ROBO2: variants seen among roughly 807,000 people sequenced by gnomAD.
ROBO2 encodes the protein roundabout homolog 2.
A neutral mutation model predicts 160.8 loss-of-function variants in ROBO2; 53 were observed. The ratio of observed to expected loss-of-function variants is 0.33; its 90% CI spans 0.26 to 0.41. The LOEUF is 0.41. Ranked by LOEUF, ROBO2 falls within the 10% of genes least tolerant of loss-of-function variation. The pLI is 1.00. For missense variants in ROBO2, 1,577 were observed against 1,722.4 expected, an observed-to-expected ratio of 0.92 and a Z score of 1.49; for synonymous variants, 664 against 611.7, an observed-to-expected ratio of 1.09 and a Z score of -1.26.
intron 2 of ROBO2, among the ~76,000 whole-genome samples, chr3:76,472,112 T>TGC (rs59897322): frequency 0.014 from 1,168 of 84,466 alleles, 33 homozygotes; most frequent in African/African-American, 0.035. Context: ...CGCGTGTGCG[T>TGC]GCGCATGTGT....
intron 2 of ROBO2, among the ~76,000 whole-genome samples, chr3:76,397,475 G>T (rs1023046129): frequency 7.2e-5 from 11 of 151,732 alleles, no homozygotes; most frequent in Admixed American, 1.3e-4. Context: ...TTGACAAATG[G>T]GATCTAATTA....
At chr3:77,559,051 C>T (rs910527906) in intron 9 of ROBO2, among the ~76,000 whole-genome samples, 8 of 152,050 alleles carry the variant, frequency 5.3e-5, no homozygotes, top group Non-Finnish European at 8.8e-5. Flanking sequence ...GACTAACAAC[C>T]TCACCTTATC....
At chr3:76,499,945 C>CT (rs1352800961) in intron 2 of ROBO2, among the ~76,000 whole-genome samples, 1 of 151,878 alleles carries the variant, frequency 6.6e-6, no homozygotes, top group Non-Finnish European at 1.5e-5. Flanking sequence ...TATCAAAGAA[C>CT]AGAGACACAA....
Position 77,214,102 on chromosome 3 carries a change from GTGCAGA to G in ROBO2, c.388+115763_388+115768del, listed in dbSNP as rs2084579188. Among the ~76,000 whole-genome samples the G allele has an allele frequency of 2.0e-5, 3 of 152,236 alleles. No homozygotes were observed. In the South Asian group the frequency reaches 6.2e-4, roughly 32 times the overall value. On this transcript the variant is annotated intron_variant, in intron 2 of 25. Transcript: ENST00000461745. ...TGTAGATGTCTATTAAGTCTGCTTG[GTGCAGA>G]GCTGAGTTCAGTTTCTGGATATCCT...
chr3:76,134,581 C>G (rs994239820), intron 2 of ROBO2, among the ~76,000 whole-genome samples: 3 of 151,954 alleles, frequency 2.0e-5, no homozygotes, highest in Admixed American at 6.6e-5. Context: ...AAAAAGCAGC[C>G]TTGAGGTTTT....
chr3:77,127,071 G>C (rs2075404951), intron 2 of ROBO2, among the ~76,000 whole-genome samples: 1 of 151,766 alleles, frequency 6.6e-6, no homozygotes, highest in Admixed American at 6.6e-5. Flanking sequence ...TTACAGGTGT[G>C]AGCCACCACG....
At chr3:77,063,217 C>T (rs1407177638) in intron 1 of ROBO2, among the ~76,000 whole-genome samples, 1 of 152,168 alleles carries the variant, frequency 6.6e-6, no homozygotes, top group Non-Finnish European at 1.5e-5. Context: ...TCGCCAAGGG[C>T]TATGCCCATC....
At chr3:77,133,221 T>C (rs2076002970) in intron 2 of ROBO2, among the ~76,000 whole-genome samples, 1 of 152,178 alleles carries the variant, frequency 6.6e-6, no homozygotes, top group Non-Finnish European at 1.5e-5. Flanking sequence ...CAAACACATA[T>C]TATGGAATAA....
At chr3:76,676,153 C>T (rs766636671) in intron 2 of ROBO2, among the ~76,000 whole-genome samples, 3 of 152,050 alleles carry the variant, frequency 2.0e-5, no homozygotes, top group Non-Finnish European at 2.9e-5. Context: ...AAAATCTCAT[C>T]TTGAATTGTA....
chr3:76,580,240 A>C (rs1357552325), intron 2 of ROBO2, among the ~76,000 whole-genome samples: 1 of 132,518 alleles, frequency 7.5e-6, no homozygotes, highest in Non-Finnish European at 1.6e-5. Flanking sequence ...TATATTGTTA[A>C]TTTGATTAAT....
At chr3:76,861,067 C>T (rs2070727896) in intron 2 of ROBO2, among the ~76,000 whole-genome samples, 1 of 152,166 alleles carries the variant, frequency 6.6e-6, no homozygotes, top group Non-Finnish European at 1.5e-5. Context: ...AAGCCCTCTT[C>T]CCTCTGCAAC....
chr3:76,981,556 G>T (rs1352352914), intron 2 of ROBO2, among the ~76,000 whole-genome samples: 1 of 151,926 alleles, frequency 6.6e-6, no homozygotes, highest in Non-Finnish European at 1.5e-5. Context: ...GTATATTTTA[G>T]GTATAAGTTA....
chr3:76,502,146 TG>T (rs1258091073), intron 2 of ROBO2, among the ~76,000 whole-genome samples: 3 of 152,198 alleles, frequency 2.0e-5, no homozygotes, highest in African/African-American at 7.2e-5. Context: ...CATCAGGCTT[TG>T]TTAGGACAAT....
chr3:77,292,552 A>G lies in ROBO2; in HGVS notation c.389-184862A>G, dbSNP rs575245786. On this transcript the variant is annotated intron_variant, in intron 2 of 25. Coordinates refer to ENST00000461745, the Ensembl canonical transcript of ROBO2. ...GTAAGCTGAGGCTAGATCACCCAAG[A>G]CATAAAGTAAAATTGATGGTTAAAT... Among the ~76,000 whole-genome samples, 15 of 151,958 alleles carry G rather than the reference A, an allele frequency of 9.9e-5. 1 individual carries two copies. Among genetic ancestry groups the G allele is most frequent in the African/African-American group, 3.6e-4 (15 of 41,496 alleles).
intron 2 of ROBO2, among the ~76,000 whole-genome samples, chr3:76,735,898 A>G (rs1450559944): frequency 1.3e-5 from 2 of 151,904 alleles, no homozygotes. Flanking sequence ...CAATATACCC[A>G]TGTAACAAAC....
At chr3:77,489,219 T>C (rs938483016) in intron 4 of ROBO2, among the ~76,000 whole-genome samples, 6 of 152,318 alleles carry the variant, frequency 3.9e-5, no homozygotes, top group African/African-American at 1.4e-4. Flanking sequence ...TGCAGGCGAC[T>C]TTCATCTCAT....
chr3:76,058,458 T>G (rs1029882765), intron 2 of ROBO2, among the ~76,000 whole-genome samples: 21 of 152,172 alleles, frequency 1.4e-4, no homozygotes, highest in African/African-American at 5.1e-4. Flanking sequence ...AAATGTAATA[T>G]TGCCTTTTGC....
In ROBO2 at chr3:77,080,229, A is replaced by G. The variant is rs138353867; in HGVS notation, c.62-17785A>G. Among the ~76,000 whole-genome samples, 215 of 152,244 alleles carry G rather than the reference A, an allele frequency of 1.4e-3. 3 individuals carry two copies. Among genetic ancestry groups the G allele is most frequent in the African/African-American group, 4.3e-3 (178 of 41,556 alleles). On this transcript the variant is annotated intron_variant, in intron 1 of 25. Coordinates refer to ENST00000461745, the Ensembl canonical transcript of ROBO2. ...GGACAACACCGTAAGTCACGTACCT[A>G]TTCAGCGGGTTCTATAGGCCACTGT... is the stretch of plus-strand genomic sequence containing the variant.
chr3:77,397,717 A>G (rs1166841171), intron 2 of ROBO2, among the ~76,000 whole-genome samples: 1 of 152,178 alleles, frequency 6.6e-6, no homozygotes, highest in Non-Finnish European at 1.5e-5. Context: ...CATTGCAACA[A>G]ATTGGTGTAT....
Sources: gnomAD v4.1 joint callset for allele counts (sites outside exome capture counted in the v4.1 genomes callset) on GRCh38, gnomAD v4.1.1 for gene constraint, MANE v1.5 for transcripts, NCBI Gene and HGNC (gene_info 2026-07-23, HGNC 2026-07-21) for gene names.